Variants in ANTXR1 observed in about 807,000 individuals in gnomAD.
The protein encoded by ANTXR1 is ANTXR cell adhesion molecule 1.
In ANTXR1, 19 loss-of-function variants were observed where a neutral mutation model predicts 78.1. The ratio of observed to expected loss-of-function variants is 0.24; its 90% confidence interval spans 0.17 to 0.36. The LOEUF is 0.36. Among genes scored for constraint, ANTXR1 ranks in the 10% least tolerant of loss-of-function variants. The pLI, the probability that ANTXR1 is intolerant of heterozygous loss-of-function variation, is 1.00. For missense variants in ANTXR1, 518 were observed against 718.6 expected (o/e 0.72, Z 3.19); for synonymous variants, 273 against 260.5 (o/e 1.05, Z -0.46).
intron 13 of ANTXR1, among the ~76,000 whole-genome samples, chr2:69,154,401 C>A (rs769826982): frequency 2.0e-5 from 3 of 152,140 alleles, no homozygotes; most frequent in Non-Finnish European, 2.9e-5. Flanking sequence ...AAACTACTTG[C>A]TGATCACTTG....
intron 17 of ANTXR1, among the ~76,000 whole-genome samples, chr2:69,230,034 T>C (rs983269829): frequency 3.3e-5 from 5 of 152,210 alleles, no homozygotes; most frequent in African/African-American, 1.2e-4. Context: ...CTCTAAAGTA[T>C]ACTACCCAGG....
intron 16 of ANTXR1, among the ~76,000 whole-genome samples, chr2:69,184,204 G>A (rs547300731): frequency 1.3e-5 from 2 of 152,278 alleles, no homozygotes; most frequent in South Asian, 2.1e-4. Context: ...GCAGTGTAGC[G>A]AAACGTTATT....
chr2:69,235,044 A>C (rs190431774), intron 17 of ANTXR1, among the ~76,000 whole-genome samples: 336 of 115,330 alleles, frequency 2.9e-3, no homozygotes, highest in Non-Finnish European at 4.7e-3. Context: ...TTTTTTTGAG[A>C]CGGAGTTTCA....
intron 9 of ANTXR1, among the ~76,000 whole-genome samples, chr2:69,092,215 C>G (rs1031402536): frequency 6.6e-6 from 1 of 152,164 alleles, no homozygotes; most frequent in Admixed American, 6.5e-5. Flanking sequence ...CAGGCCTCTT[C>G]AAACACTACA....
At chr2:69,234,096 G>A (rs1408195845) in intron 17 of ANTXR1, among the ~76,000 whole-genome samples, 1 of 152,144 alleles carries the variant, frequency 6.6e-6, no homozygotes, top group Non-Finnish European at 1.5e-5. Context: ...CTAAGTTATT[G>A]TTTGGAAGAA....
At chr2:69,054,961 T>C (rs1429544734) in intron 3 of ANTXR1, among the ~76,000 whole-genome samples, 2 of 152,236 alleles carry the variant, frequency 1.3e-5, no homozygotes, top group African/African-American at 4.8e-5. Context: ...GTGGTCTGAG[T>C]CCATAGGCAA....
intron 17 of ANTXR1, among the ~76,000 whole-genome samples, chr2:69,230,218 AACATG>A (rs1675556911): frequency 6.6e-6 from 1 of 152,038 alleles, no homozygotes; most frequent in Admixed American, 6.6e-5. Context: ...GTGCAAACAA[AACATG>A]CCATGATTTT....
At chr2:69,245,132 T>C in intron 17 of ANTXR1, 93 bp from the exon 18 acceptor site, 1 of 1,471,900 alleles carries the variant, frequency 6.8e-7, no homozygotes, top group Non-Finnish European at 9.5e-7. Flanking sequence ...GGGCCAGCTT[T>C]CCACATATTG....
At chr2:69,067,616 CT>C (rs1372967521) in intron 3 of ANTXR1, among the ~76,000 whole-genome samples, 4 of 152,192 alleles carry the variant, frequency 2.6e-5, no homozygotes, top group Non-Finnish European at 4.4e-5. Flanking sequence ...AATTATCCCT[CT>C]GCCCCATAGT....
At chr2:69,091,030 A>T in intron 9 of ANTXR1, 111 bp downstream of exon 9, 1 of 1,097,472 alleles carries the variant, frequency 9.1e-7, no homozygotes, top group Non-Finnish European at 1.3e-6. Context: ...AGGAAGGGGT[A>T]GGGTGAAAAG....
chr2:69,087,227 T>C (rs763176427), intron 8 of ANTXR1, among the ~76,000 whole-genome samples: 8 of 152,234 alleles, frequency 5.3e-5, no homozygotes, highest in Admixed American at 2.0e-4. Context: ...TTGATAGTAA[T>C]AGCTACCATT....
intron 3 of ANTXR1, among the ~76,000 whole-genome samples, chr2:69,052,862 TTC>T (rs1449641689): frequency 6.7e-6 from 1 of 150,268 alleles, no homozygotes; most frequent in East Asian, 1.9e-4. Flanking sequence ...TTGTTTTTGC[TTC>T]TGTTTTCACA....
intron 13 of ANTXR1, among the ~76,000 whole-genome samples, chr2:69,168,371 G>A (rs1470157351): frequency 6.6e-6 from 1 of 152,164 alleles, no homozygotes; most frequent in Admixed American, 6.5e-5. Context: ...TGAGGACAGT[G>A]GAGATCAGAC....
At chr2:69,125,148 C>A (rs1384419541) in intron 12 of ANTXR1, among the ~76,000 whole-genome samples, 1 of 151,982 alleles carries the variant, frequency 6.6e-6, no homozygotes, top group Non-Finnish European at 1.5e-5. Context: ...GGAAATAATC[C>A]AGGAGAAAAT....
At chr2:69,083,450 G>C (rs1670955938) in intron 8 of ANTXR1, among the ~76,000 whole-genome samples, 1 of 152,048 alleles carries the variant, frequency 6.6e-6, no homozygotes, top group Non-Finnish European at 1.5e-5. Context: ...AGCCTGCCCT[G>C]CTCTCTCCTC....
At position 69,136,479 on chromosome 2, in the gene ANTXR1, CCAAT is replaced by C. The variant is rs1229245082; in HGVS notation, c.951+11841_951+11844del. Among the ~76,000 whole-genome samples, 10 of 152,306 alleles carry C rather than the reference CCAAT, an allele frequency of 6.6e-5. No homozygotes were observed. The East Asian group carries it at 1.5e-3, about 23-fold the overall frequency. On this transcript the variant is annotated intron_variant, in intron 12 of 17. Transcript: ENST00000303714. ...TTGAAATCAATAGCCAATCAAGTTA[CCAAT>C]CAATTTTGAAAATCTCATGTTTTGA...
chr2:69,108,563 C>T (rs574589523), intron 10 of ANTXR1, among the ~76,000 whole-genome samples: 3 of 152,272 alleles, frequency 2.0e-5, no homozygotes, highest in African/African-American at 7.2e-5. Context: ...TGTTTCATCA[C>T]CCAGGTATTA....
At chr2:69,203,463 A>T (rs1217752501) in intron 17 of ANTXR1, among the ~76,000 whole-genome samples, 2 of 152,168 alleles carry the variant, frequency 1.3e-5, no homozygotes, top group Non-Finnish European at 2.9e-5. Context: ...GCAAAAACCA[A>T]CTGTACCCAA....
intron 1 of ANTXR1, 114 bp from the exon 2 acceptor site, chr2:69,039,930 T>G: frequency 1.2e-6 from 1 of 813,928 alleles, no homozygotes; most frequent in Non-Finnish European, 2.1e-6. Flanking sequence ...TTTCAAGTAA[T>G]GAGTCCAGTT....
Sources: gnomAD v4.1 joint callset for allele counts (sites outside exome capture counted in the v4.1 genomes callset) on GRCh38, gnomAD v4.1.1 for gene constraint, MANE v1.5 for transcripts, NCBI Gene and HGNC (gene_info 2026-07-23, HGNC 2026-07-21) for gene names.